The following SLCO6A1 variants were observed in gnomAD, a reference collection of about 807,000 sequenced individuals.
The protein encoded by SLCO6A1 is solute carrier organic anion transporter family member 6A1.
SLCO6A1 carries 65 observed loss-of-function variants against 72.7 expected under a neutral mutation model. That is an observed-to-expected ratio of 0.89 (90% confidence interval 0.73 to 1.10). The LOEUF is 1.10. Ranked by LOEUF, SLCO6A1 falls within the 50% of genes least tolerant of loss-of-function variation. The pLI, the probability that SLCO6A1 is intolerant of heterozygous loss-of-function variation, is 0.00. For synonymous variants in SLCO6A1, 314 were observed against 298.2 expected, an observed-to-expected ratio of 1.05 and a Z score of -0.55; for missense variants, 874 against 872.6, an observed-to-expected ratio of 1.00 and a Z score of -0.02.
chr5:102,445,969 G>T (rs1330662531), intron 6 of SLCO6A1, among the ~76,000 whole-genome samples: 1 of 152,100 alleles, frequency 6.6e-6, no homozygotes, highest in African/African-American at 2.4e-5. Flanking sequence ...TAGGAGCCTT[G>T]TAGTACATTT....
chr5:102,457,171 C>A (rs1750767734), intron 6 of SLCO6A1, among the ~76,000 whole-genome samples: 1 of 152,144 alleles, frequency 6.6e-6, no homozygotes, highest in Non-Finnish European at 1.5e-5. Context: ...CTAGGCAATA[C>A]CATTCAGAAC....
chr5:102,379,522 C>A (rs1270509034), intron 12 of SLCO6A1, among the ~76,000 whole-genome samples: 2 of 152,044 alleles, frequency 1.3e-5, no homozygotes, highest in Non-Finnish European at 2.9e-5. Context: ...GTTTGTTTAA[C>A]CATTGCAGGG....
At chr5:102,470,358 A>C (rs963800544) in intron 4 of SLCO6A1, among the ~76,000 whole-genome samples, 2 of 152,032 alleles carry the variant, frequency 1.3e-5, no homozygotes, top group Admixed American at 1.3e-4. Context: ...GTCTATTCAG[A>C]GATTCAACTT....
At chr5:102,474,765 T>C (rs1484475493) in intron 4 of SLCO6A1, among the ~76,000 whole-genome samples, 1 of 151,930 alleles carries the variant, frequency 6.6e-6, no homozygotes, top group Non-Finnish European at 1.5e-5. Context: ...AGGACTTGGA[T>C]TGATAAAAGA....
intron 12 of SLCO6A1, among the ~76,000 whole-genome samples, chr5:102,374,842 A>C (rs1745693257): frequency 1.3e-5 from 2 of 152,352 alleles, no homozygotes; most frequent in Admixed American, 1.3e-4. Flanking sequence ...AATGCTTCCA[A>C]GAAAAAGGGA....
chr5:102,463,835 G>A (rs992820688), intron 4 of SLCO6A1, among the ~76,000 whole-genome samples: 6 of 150,662 alleles, frequency 4.0e-5, no homozygotes, highest in Non-Finnish European at 4.4e-5. Context: ...GCAGTGAGTC[G>A]AGATTGCGCC....
At chr5:102,468,251 T>C (rs1295270719) in intron 4 of SLCO6A1, among the ~76,000 whole-genome samples, 1 of 152,136 alleles carries the variant, frequency 6.6e-6, no homozygotes, top group Non-Finnish European at 1.5e-5. Flanking sequence ...TTGTGGCCTA[T>C]CATACAGTCT....
intron 1 of SLCO6A1, among the ~76,000 whole-genome samples, chr5:102,493,216 T>C (rs1752763677): frequency 6.6e-6 from 1 of 152,120 alleles, no homozygotes; most frequent in African/African-American, 2.4e-5. Flanking sequence ...CTAAGAAAAC[T>C]GTAGAACAAT....
intron 6 of SLCO6A1, among the ~76,000 whole-genome samples, chr5:102,442,275 C>T (rs969906805): frequency 6.6e-6 from 1 of 152,038 alleles, no homozygotes; most frequent in Non-Finnish European, 1.5e-5. Context: ...TGCTCTTAGC[C>T]TCAATTAAGC....
At chr5:102,373,316 T>C (rs1417054850) in intron 13 of SLCO6A1, 21 bp downstream of exon 13, 5 of 1,439,478 alleles carry the variant, frequency 3.5e-6, no homozygotes, top group African/African-American at 2.9e-5. Context: ...CATTGATAGA[T>C]TGACAATGTG....
At chr5:102,486,807 G>A (rs896781013) in intron 1 of SLCO6A1, among the ~76,000 whole-genome samples, 15 of 151,852 alleles carry the variant, frequency 9.9e-5, no homozygotes, top group Non-Finnish European at 2.1e-4. Flanking sequence ...TGTAAATATC[G>A]TTACAGAAAT....
Position 102,477,785 on chromosome 5 carries a change from G to A in SLCO6A1, c.693C>T (p.Phe231=), listed in dbSNP as rs763568665. ...CCTGCACAGTCTGCCCAAGGATGAA[G>A]AAAGACAGGTATTTTGATTGGAATG... is the stretch of plus-strand genomic sequence containing the variant. The part of the protein sequence containing the change: ...GISFQSKYLS[F]FILGQTVQGI... The change falls in exon 3 of 14, where the codon TTC becomes TTT. Residue 231 remains phenylalanine (F), a synonymous_variant. Transcript: ENST00000506729. The A allele has an allele frequency of 3.1e-6, 5 of 1,613,644 alleles. No individual in the cohort carries two copies. In the South Asian group the frequency reaches 4.4e-5, roughly 14 times the overall value.
chr5:102,377,838 A>T (rs1188329961), intron 12 of SLCO6A1, among the ~76,000 whole-genome samples: 1 of 150,408 alleles, frequency 6.6e-6, no homozygotes, highest in African/African-American at 2.4e-5. Flanking sequence ...CATCCAGCTA[A>T]TTTTTGCATA....
intron 1 of SLCO6A1, among the ~76,000 whole-genome samples, chr5:102,493,272 G>A (rs1489108585): frequency 6.6e-6 from 1 of 152,102 alleles, no homozygotes; most frequent in Admixed American, 6.5e-5. Context: ...GGCAAATTAA[G>A]TCCAGCAATA....
At chr5:102,372,400 T>C (rs746565094) in intron 13 of SLCO6A1, among the ~76,000 whole-genome samples, 1 of 151,958 alleles carries the variant, frequency 6.6e-6, no homozygotes, top group Non-Finnish European at 1.5e-5. Flanking sequence ...CAAAGAAACA[T>C]TGTAGAGAAC....
chr5:102,457,021 A>G (rs1335792395), intron 6 of SLCO6A1, among the ~76,000 whole-genome samples: 2 of 152,316 alleles, frequency 1.3e-5, no homozygotes, highest in African/African-American at 4.8e-5. Context: ...CTATTTAATA[A>G]ATGGTGCTGG....
At chr5:102,489,293 C>T (rs1198908963) in intron 1 of SLCO6A1, among the ~76,000 whole-genome samples, 4 of 152,172 alleles carry the variant, frequency 2.6e-5, no homozygotes, top group Admixed American at 2.6e-4. Flanking sequence ...CCAAACATCG[C>T]ATACGTTACC....
intron 3 of SLCO6A1, among the ~76,000 whole-genome samples, chr5:102,477,423 C>T (rs1468259675): frequency 2.0e-5 from 3 of 152,000 alleles, no homozygotes; most frequent in East Asian, 3.9e-4. Context: ...CATGCCTGGC[C>T]GAAAGTACGT....
At chr5:102,396,628 A>G (rs1747099091) in intron 10 of SLCO6A1, among the ~76,000 whole-genome samples, 1 of 152,170 alleles carries the variant, frequency 6.6e-6, no homozygotes. Flanking sequence ...TGTTCAAGTC[A>G]GACTGCTTTT....
Sources: allele counts gnomAD v4.1 joint callset (sites outside exome capture counted in the v4.1 genomes callset), GRCh38; gene constraint gnomAD v4.1.1; transcripts MANE v1.5; gene names NCBI Gene and HGNC (gene_info 2026-07-23, HGNC 2026-07-21).